The following GREB1L variants were observed in gnomAD, a reference collection of about 807,000 sequenced individuals.
GREB1L encodes GREB1-like protein.
Under a neutral mutation model 200.8 loss-of-function variants are expected in GREB1L, and 17 were observed. That is an observed-to-expected ratio of 0.08 (90% confidence interval 0.06 to 0.13). The LOEUF (loss-of-function observed/expected upper bound fraction) is 0.13. GREB1L is among the 10% of genes least tolerant of loss of function. The probability of loss-of-function intolerance (pLI) is 1.00; values close to 1 mark genes in which losing one functional copy is unlikely to be tolerated. For synonymous variants in GREB1L, 789 were observed against 893.0 expected (o/e 0.88, Z 2.08); for missense variants, 1,657 against 2,367.7 (o/e 0.70, Z 6.23).
At chr18:21,315,343 A>G (rs1380029874) in intron 1 of GREB1L, among the ~76,000 whole-genome samples, 2 of 152,188 alleles carry the variant, frequency 1.3e-5, no homozygotes, top group Non-Finnish European at 2.9e-5. Flanking sequence ...CTCCCGCCTC[A>G]GCCTCTCAAA....
At position 21,441,466 on chromosome 18, in the gene GREB1L, C is replaced by T. The variant is rs1211663302; in HGVS notation, c.1136C>T (p.Pro379Leu). The change falls in exon 10 of 33, where the codon CCT (proline) becomes CTT (leucine). Residue 379 changes from proline to leucine, a missense_variant. Coordinates refer to ENST00000424526, the MANE Select transcript of GREB1L (RefSeq NM_001142966.3). ...LTGILQPRPI[P>L]AGETVIVPEN... ...GGAATTTTACAACCCAGGCCCATTCCTGCAGGGGAAACTGTAATTGTTCCT... is the reference window on the plus strand; with the variant it reads ...GGAATTTTACAACCCAGGCCCATTCTTGCAGGGGAAACTGTAATTGTTCCT... 3 of 1,551,578 alleles carry T rather than the reference C, an allele frequency of 1.9e-6. No individual in the cohort carries two copies. Among genetic ancestry groups the T allele is most frequent in the African/African-American group, 2.7e-5 (2 of 73,150 alleles).
chr18:21,420,931 A>G (rs1461503594), intron 7 of GREB1L, among the ~76,000 whole-genome samples: 2 of 152,230 alleles, frequency 1.3e-5, no homozygotes, highest in African/African-American at 4.8e-5. Flanking sequence ...ATATCCAAAC[A>G]GTAATGAATT....
intron 1 of GREB1L, among the ~76,000 whole-genome samples, chr18:21,342,205 T>C (rs1347489813): frequency 6.6e-6 from 1 of 152,138 alleles, no homozygotes. Context: ...GTTGAAATGA[T>C]GTCCACAACA....
chr18:21,428,738 C>T (rs1284679134), intron 7 of GREB1L, among the ~76,000 whole-genome samples: 10 of 99,944 alleles, frequency 1.0e-4, no homozygotes, highest in Non-Finnish European at 1.4e-4. Flanking sequence ...TTTTTTGAGA[C>T]GGAGTGTCGC....
intron 15 of GREB1L, among the ~76,000 whole-genome samples, chr18:21,460,792 C>T (rs1204418888): frequency 6.6e-6 from 1 of 151,980 alleles, no homozygotes; most frequent in African/African-American, 2.4e-5. Flanking sequence ...CAAACAAAAA[C>T]TTCAAATAAA....
chr18:21,429,137 TCCTTCCTTCCTC>T (rs1370543818), intron 7 of GREB1L, among the ~76,000 whole-genome samples: 1 of 133,300 alleles, frequency 7.5e-6, no homozygotes, highest in Non-Finnish European at 1.6e-5. Flanking sequence ...CTTCCTTCCT[TCCTTCCTTCCTC>T]CCTTCCCTCC....
intron 1 of GREB1L, among the ~76,000 whole-genome samples, chr18:21,329,128 A>G (rs545149146): frequency 1.5e-3 from 225 of 152,248 alleles, no homozygotes; most frequent in African/African-American, 5.1e-3. Context: ...GTTTGAGACC[A>G]GCCTGGCCAA....
chr18:21,403,329 G>C (rs951335758), intron 6 of GREB1L, among the ~76,000 whole-genome samples: 1 of 152,132 alleles, frequency 6.6e-6, no homozygotes, highest in African/African-American at 2.4e-5. Flanking sequence ...ACTATTGGCT[G>C]TCTCCTTTAA....
intron 1 of GREB1L, among the ~76,000 whole-genome samples, chr18:21,305,158 T>C (rs2038680272): frequency 6.6e-6 from 1 of 152,086 alleles, no homozygotes; most frequent in Admixed American, 6.5e-5. Flanking sequence ...GTATTTTTAG[T>C]AGAGACGGGG....
intron 1 of GREB1L, among the ~76,000 whole-genome samples, chr18:21,281,475 C>T (rs2038268246): frequency 1.3e-5 from 2 of 152,110 alleles, no homozygotes; most frequent in South Asian, 2.1e-4. Flanking sequence ...TGCATTTGTA[C>T]AATCTGCCAT....
chr18:21,375,303 T>A (rs1436685680), intron 2 of GREB1L, among the ~76,000 whole-genome samples: 1 of 151,980 alleles, frequency 6.6e-6, no homozygotes, highest in African/African-American at 2.4e-5. Context: ...ACCTCGTGAT[T>A]CATCCACCTC....
rs1236080477 is a variant in GREB1L at position 21,391,232 on chromosome 18, C to T, written c.356-4153C>T. On this transcript the variant is annotated intron_variant, in intron 4 of 32. Transcript: ENST00000424526. ...GTGTGTCATTTTTTATCTTTTATAT[C>T]GTATTTTCACTGTGCCTTTTCTGTG... Among the ~76,000 whole-genome samples the T allele has an allele frequency of 3.9e-5, 6 of 152,252 alleles. No individual in the cohort carries two copies. The South Asian group carries it at 1.2e-3, about 32-fold the overall frequency.
rs1457157894 is a variant in GREB1L, at chr18:21,495,775, A to G, written c.3136A>G (p.Thr1046Ala). 6.6e-7 allele frequency: 1 copy of G among 1,513,610 alleles called. No individual in the cohort carries two copies. The highest frequency in any genetic ancestry group is 9.0e-7 in the Non-Finnish European group (1 of 1,117,204). The allele number at this position is 1,513,610 out of a possible 1,614,324, so 93.8% of individuals were successfully genotyped here. A position where few individuals can be genotyped will look rare whatever the true frequency, so the allele number is the denominator to read the frequency against. The change falls in exon 20 of 33, where the codon ACC becomes GCC. Residue 1046 changes from threonine (T) to alanine (A), a missense_variant. By Grantham distance (58) the Thr-to-Ala change is moderately conservative (BLOSUM62 0). Coordinates refer to ENST00000424526, the MANE Select transcript of GREB1L (RefSeq NM_001142966.3). ...AACTGGCAAAGATCCTCTTGGAGAA[A>G]CCTTTCCCAGGTACAGTTTCAATAA... ...ILTGKDPLGE[T>A]FPRSLKYCDL...
chr18:21,337,472 C>T (rs1201641622), intron 1 of GREB1L, among the ~76,000 whole-genome samples: 2 of 152,144 alleles, frequency 1.3e-5, no homozygotes, highest in East Asian at 3.9e-4. Context: ...CATCCCAGGA[C>T]CAGTTGCTGC....
chr18:21,449,387 G>T (rs777489398), intron 11 of GREB1L, 123 bp from the exon 12 acceptor site: 26 of 589,608 alleles, frequency 4.4e-5, no homozygotes, highest in Non-Finnish European at 6.4e-5. Flanking sequence ...CCAAGAAAAA[G>T]AGGTTATTTT....
chr18:21,496,895 C>T, intron 21 of GREB1L, among the ~76,000 whole-genome samples, 197 bp downstream of exon 21: 1 of 152,184 alleles, frequency 6.6e-6, no homozygotes, highest in East Asian at 1.9e-4. Context: ...AAATACTTTC[C>T]TGGGTAAACA....
At position 21,257,004 on chromosome 18, in the gene GREB1L, C is replaced by CAA. The variant is rs747739158; in HGVS notation, c.-120+14631_-120+14632dup. ...TGGGTGACAGAGTGAGACTCCGTCTCAAAAAAAAAAAAAAAAAAAAAGACT... is the reference window on the plus strand; with the variant it reads ...TGGGTGACAGAGTGAGACTCCGTCTCAAAAAAAAAAAAAAAAAAAAAAAGACT... On this transcript the variant is annotated intron_variant, in intron 1 of 32. Coordinates refer to ENST00000424526, the MANE Select transcript of GREB1L (RefSeq NM_001142966.3). Among the ~76,000 whole-genome samples, 161 of 61,580 alleles carry CAA rather than the reference C, an allele frequency of 2.6e-3. 1 individual carries two copies. In the Middle Eastern group the frequency reaches 0.03, roughly 12 times the overall value. 40.4% of individuals were successfully genotyped at this position (61,580 alleles called of 152,430 possible).
intron 1 of GREB1L, among the ~76,000 whole-genome samples, chr18:21,339,240 G>A (rs2039233773): frequency 6.6e-6 from 1 of 151,968 alleles, no homozygotes; most frequent in African/African-American, 2.4e-5. Flanking sequence ...AAGGCACATA[G>A]TGGAGTCAGA....
Position 21,424,740 on chromosome 18 carries a change from A to T in GREB1L, c.833-14781A>T, listed in dbSNP as rs146487405. Among the ~76,000 whole-genome samples, 898 of 152,358 alleles carry T rather than the reference A, an allele frequency of 5.9e-3. 9 individuals are homozygous for T. Among genetic ancestry groups the T allele is most frequent in the Non-Finnish European group, 1.0e-2 (679 of 68,026 alleles). ...AGTATTATATTCACAGAATTATGCA[A>T]TCGTCACCGCAGTAAATTTCAGAAC... On this transcript the variant is annotated intron_variant, in intron 7 of 32. Transcript: ENST00000424526.
Sources: gnomAD v4.1 joint callset for allele counts (sites outside exome capture counted in the v4.1 genomes callset) on GRCh38, gnomAD v4.1.1 for gene constraint, MANE v1.5 for transcripts, NCBI Gene and HGNC (gene_info 2026-07-23, HGNC 2026-07-21) for gene names.